The following ITFG1 variants were observed in gnomAD, a reference collection of about 807,000 sequenced individuals.
ITFG1 encodes integrin alpha FG-GAP repeat containing 1.
ITFG1 carries 34 observed loss-of-function variants against 81.8 expected under a neutral mutation model. That is an observed-to-expected ratio of 0.42 (90% confidence interval 0.32 to 0.55). The LOEUF (loss-of-function observed/expected upper bound fraction) is 0.55, where lower values mean the gene tolerates loss of function less well. Among genes scored for constraint, ITFG1 ranks in the 20% least tolerant of loss-of-function variants. The pLI is 0.17. For missense variants in ITFG1, 672 were observed against 755.4 expected (o/e 0.89, Z 1.29); for synonymous variants, 285 against 270.6 (o/e 1.05, Z -0.52).
intron 14 of ITFG1, chr16:47,218,441 C>T (rs1348040234): frequency 6.6e-6 from 1 of 151,418 alleles, no homozygotes; most frequent in South Asian, 2.1e-4. Context: ...TATCAAAAAA[C>T]CCTCTCTATG....
At chr16:47,321,181 C>T (rs1346336898) in intron 8 of ITFG1, among the ~76,000 whole-genome samples, 1 of 152,128 alleles carries the variant, frequency 6.6e-6, no homozygotes, top group African/African-American at 2.4e-5. Flanking sequence ...AATCACATGA[C>T]TAATTAATGG....
intron 10 of ITFG1, among the ~76,000 whole-genome samples, chr16:47,291,436 A>T (rs1229338438): frequency 2.6e-5 from 4 of 151,992 alleles, no homozygotes; most frequent in Non-Finnish European, 5.9e-5. Context: ...TTTGCAGTTG[A>T]TTCTCTTTGG....
chr16:47,314,097 G>A (rs1032048027), intron 8 of ITFG1, among the ~76,000 whole-genome samples: 1 of 152,014 alleles, frequency 6.6e-6, no homozygotes, highest in Non-Finnish European at 1.5e-5. Flanking sequence ...AAACTACTGG[G>A]TCCTATGCTA....
chr16:47,368,158 C>T (rs1429597966), intron 7 of ITFG1, among the ~76,000 whole-genome samples: 1 of 151,080 alleles, frequency 6.6e-6, no homozygotes, highest in Non-Finnish European at 1.5e-5. Context: ...GGTGTGAACC[C>T]AGGAGGCGGA....
chr16:47,365,059 A>C (rs554309319), intron 8 of ITFG1, among the ~76,000 whole-genome samples: 1 of 152,180 alleles, frequency 6.6e-6, no homozygotes, highest in Non-Finnish European at 1.5e-5. Flanking sequence ...TAGCCTTTAG[A>C]GGTGGATATT....
chr16:47,202,967 A>G (rs1407499773), intron 14 of ITFG1, among the ~76,000 whole-genome samples: 2 of 152,116 alleles, frequency 1.3e-5, no homozygotes, highest in Non-Finnish European at 2.9e-5. Flanking sequence ...ATTACACAGA[A>G]GTATCATATG....
At chr16:47,415,093 T>C (rs1968857776) in intron 6 of ITFG1, among the ~76,000 whole-genome samples, 1 of 152,238 alleles carries the variant, frequency 6.6e-6, no homozygotes, top group African/African-American at 2.4e-5. Context: ...TGTTCCCATG[T>C]GTCTGCAGTT....
chr16:47,192,957 T>C (rs1965310504), intron 14 of ITFG1, among the ~76,000 whole-genome samples: 1 of 152,210 alleles, frequency 6.6e-6, no homozygotes, highest in Admixed American at 6.5e-5. Flanking sequence ...TCCTACCAGT[T>C]GCTGGCTCTA....
At position 47,162,547 on chromosome 16, in the gene ITFG1, C is replaced by T; in HGVS notation, c.1571G>A (p.Gly524Glu). ...AAATGAATTTTTACTCACTTTTTCT[C>T]CAGATGGACGGGGAATACCAACGTA... ...HLYVGIPRPS[G>E]EKSIRKQEWT... The change falls in exon 15 of 18, where the codon GGA (glycine) becomes GAA (glutamate). Residue 524 changes from glycine (G) to glutamate (E), a missense_variant. Gly to Glu is a moderately conservative substitution (Grantham distance 98). Around this residue, in one of 3 missense-constraint regions of ITFG1, gnomAD observed 560 missense variants for 625.7 expected, o/e 0.90. Transcript: ENST00000320640. The T allele has an allele frequency of 6.3e-7, 1 of 1,598,294 alleles. No homozygotes were observed. Among genetic ancestry groups the T allele is most frequent in the African/African-American group, 1.3e-5 (1 of 74,364 alleles).
At chr16:47,341,244 C>T (rs1388468037) in intron 8 of ITFG1, among the ~76,000 whole-genome samples, 7 of 149,342 alleles carry the variant, frequency 4.7e-5, no homozygotes, top group Admixed American at 4.7e-4. Context: ...CAAAGCAAGA[C>T]CCCATCTGTA....
chr16:47,187,506 T>A (rs975855737), intron 14 of ITFG1, among the ~76,000 whole-genome samples: 2 of 152,118 alleles, frequency 1.3e-5, no homozygotes, highest in Non-Finnish European at 2.9e-5. Context: ...AAACAAGCAA[T>A]GGGGAAAGGA....
intron 6 of ITFG1, among the ~76,000 whole-genome samples, chr16:47,381,518 G>A (rs1968395937): frequency 6.6e-6 from 1 of 152,120 alleles, no homozygotes; most frequent in African/African-American, 2.4e-5. Context: ...TCTGTAAGCT[G>A]AAATGTCTGG....
intron 10 of ITFG1, among the ~76,000 whole-genome samples, chr16:47,291,755 T>G (rs755759146): frequency 3.9e-5 from 6 of 152,202 alleles, no homozygotes; most frequent in Non-Finnish European, 7.3e-5. Flanking sequence ...TATTTTTTAT[T>G]TCATTCATTG....
chr16:47,230,280 A>C (rs909353017), intron 13 of ITFG1, among the ~76,000 whole-genome samples: 1 of 152,174 alleles, frequency 6.6e-6, no homozygotes, highest in Non-Finnish European at 1.5e-5. Flanking sequence ...CTGGGAAGAA[A>C]GAGCAGGAAG....
Position 47,253,108 on chromosome 16 carries a change from C to T in ITFG1, c.1330+5524G>A, listed in dbSNP as rs558220577. Among the ~76,000 whole-genome samples, 50 of 152,208 alleles carry T rather than the reference C, an allele frequency of 3.3e-4. No individual in the cohort carries two copies. In the Middle Eastern group the frequency reaches 0.02, roughly 62 times the overall value. On this transcript the variant is annotated intron_variant, in intron 12 of 17. Transcript: ENST00000320640. ...GGAGATGTGTGGAGAATCCTCTCCT[C>T]AGGATAATGTTACTGAGACTGCAGG...
chr16:47,444,962 A>G (rs1390742724), intron 5 of ITFG1, among the ~76,000 whole-genome samples: 1 of 151,996 alleles, frequency 6.6e-6, no homozygotes, highest in Non-Finnish European at 1.5e-5. Flanking sequence ...TTTTTTGACA[A>G]TACTCACGTA....
intron 14 of ITFG1, among the ~76,000 whole-genome samples, chr16:47,207,519 G>T (rs1319962518): frequency 6.6e-6 from 1 of 152,208 alleles, no homozygotes; most frequent in African/African-American, 2.4e-5. Context: ...AGTGATTAGG[G>T]AAGTGCTCAG....
At chr16:47,348,755 T>C (rs1319203072) in intron 8 of ITFG1, among the ~76,000 whole-genome samples, 5 of 152,026 alleles carry the variant, frequency 3.3e-5, no homozygotes, top group African/African-American at 9.7e-5. Flanking sequence ...AGACACATAA[T>C]TGTTAGATTC....
intron 3 of ITFG1, 141 bp downstream of exon 3, chr16:47,453,872 T>A (rs969515336): frequency 1.1e-5 from 7 of 625,186 alleles, no homozygotes; most frequent in Non-Finnish European, 1.9e-5. Context: ...AAAAGAAAAA[T>A]CAGGAAATAA....
Sources: allele counts gnomAD v4.1 joint callset (sites outside exome capture counted in the v4.1 genomes callset), GRCh38; gene constraint gnomAD v4.1.1; regional missense constraint gnomAD v4.1.1; transcripts MANE v1.5; gene names NCBI Gene and HGNC (gene_info 2026-07-23, HGNC 2026-07-21).